IGF2: variants seen among roughly 807,000 people sequenced by gnomAD.
IGF2 encodes insulin like growth factor 2, also known as insulin-like growth factor 2.
In IGF2, 2 loss-of-function variants were observed where a neutral mutation model predicts 12.0. The ratio of observed to expected loss-of-function variants is 0.17; its 90% confidence interval spans 0.07 to 0.52. IGF2 has a LOEUF of 0.52. IGF2 is among the 20% of genes least tolerant of loss of function. The pLI is 0.95. For synonymous variants in IGF2, 105 were observed against 110.1 expected (o/e 0.95, Z 0.29); for missense variants, 211 against 268.0 (o/e 0.79, Z 1.48).
upstream of IGF2, among the ~76,000 whole-genome samples, chr11:2,143,981 G>A (rs1859755677): frequency 6.6e-6 from 1 of 152,224 alleles, no homozygotes; most frequent in Non-Finnish European, 1.5e-5. Flanking sequence ...CCCTCCCCGG[G>A]AACCCGAGCG....
chr11:2,132,916 A>G lies in IGF2; in HGVS notation c.*71T>C, dbSNP rs1858710247. Reference sequence around the variant, plus strand: ...CGAGAGATTTTCGGGATGGAACCTGATGGAAACGTCCGTGGTCAGGAGGAG... The same window carrying G: ...CGAGAGATTTTCGGGATGGAACCTGGTGGAAACGTCCGTGGTCAGGAGGAG... On this transcript the variant is annotated 3_prime_UTR_variant, in exon 4 of 4. Transcript: ENST00000416167. 2.7e-6 allele frequency: 3 copies of G among 1,091,962 alleles called. No individual in the cohort carries two copies. The highest frequency in any genetic ancestry group is 3.9e-6 in the Non-Finnish European group (3 of 764,758). The allele number at this position is 1,091,962 out of a possible 1,614,324, so 67.6% of individuals were successfully genotyped here. A position where few individuals can be genotyped will look rare whatever the true frequency, so the allele number is the denominator to read the frequency against.
In IGF2 at chr11:2,133,723, G is replaced by A. The variant is rs759732097; in HGVS notation, c.158-58C>T. 70 of 1,592,334 alleles carry A rather than the reference G, an allele frequency of 4.4e-5. No homozygotes were observed. Among genetic ancestry groups the A allele is most frequent in the African/African-American group, 1.5e-4 (11 of 74,246 alleles). ...TAGCACCGCACTGACCCCAGCCCCC[G>A]GAGGCTGAAGGGGGAGCAAACCACC... On this transcript the variant is annotated intron_variant, in intron 2 of 3. Transcript: ENST00000416167. This position sits in a 1 kb window ranked among gnomAD's most constrained non-coding sequence, Gnocchi z 8.9.
chr11:2,139,603 TG>T (rs1485002841), upstream of IGF2, among the ~76,000 whole-genome samples: 1 of 71,584 alleles, frequency 1.4e-5, no homozygotes, highest in South Asian at 5.2e-4. Context: ...TCGCAGGGGC[TG>T]GGGGGTGCGC....
intron 1 of IGF2, chr11:2,137,216 C>CAGGAGG: frequency 1.0e-6 from 1 of 993,144 alleles, no homozygotes; most frequent in Non-Finnish European, 1.2e-6. Context: ...CTCGCTGGGG[C>CAGGAGG]AGGAGGAGGA....
rs1220905661 is a variant in IGF2, at chr11:2,137,549, C to T, written c.-7+680G>A. On this transcript the variant is annotated intron_variant, in intron 1 of 3. Transcript: ENST00000416167. ...AGTGAAGGGGGGGGGGGTCTCCTTC[C>T]CACCTCCTTGTATGGAAACTTCCAC... Among the ~76,000 whole-genome samples the T allele has an allele frequency of 2.6e-5, 4 of 151,946 alleles. No homozygotes were observed. The East Asian group carries it at 7.8e-4, about 30-fold the overall frequency.
At chr11:2,140,654 G>A (rs1859513045), upstream of IGF2, 1 of 490,276 alleles carries the variant, frequency 2.0e-6, no homozygotes. Context: ...ATGAGCAAAC[G>A]AAAGTGGCGC....
chr11:2,137,137 C>G (rs1019075023), intron 1 of IGF2: 1 of 778,426 alleles, frequency 1.3e-6, no homozygotes, highest in Non-Finnish European at 1.6e-6. Context: ...TGCCCTGCCT[C>G]AGGCTGGAGT....
rs920767501 is a variant in IGF2 at position 2,131,736 on chromosome 11, G to A, written c.*1251C>T. On this transcript the variant is annotated 3_prime_UTR_variant, in exon 4 of 4. Coordinates refer to ENST00000416167, the MANE Select transcript of IGF2 (RefSeq NM_000612.6). ...CTGTGTTCGTGTGTGCTGTGTTCGC[G>A]TGTGTGTGCTGTGTGTGCATGTGTG... 3.5e-5 allele frequency: 7 copies of A among 201,774 alleles called. No homozygotes were observed. The highest frequency in any genetic ancestry group is 2.1e-4 in the South Asian group (1 of 4,750). The allele number at this position is 201,774 out of a possible 1,614,324, so 12.5% of individuals were successfully genotyped here.
chr11:2,137,404 C>T, intron 1 of IGF2: 2 of 203,050 alleles, frequency 9.8e-6, no homozygotes, highest in Non-Finnish European at 1.7e-5. Context: ...TGCTCCCGCC[C>T]TCTCCCTCCT....
At chr11:2,143,569 G>C (rs4366464), upstream of IGF2, among the ~76,000 whole-genome samples, 134,903 of 151,972 alleles carry the variant, frequency 0.89, 60,364 homozygotes, top group East Asian at 1. Context: ...AATTAGGGAA[G>C]CCGGGTTAGT....
At chr11:2,141,796 C>A (rs1013329920), upstream of IGF2, among the ~76,000 whole-genome samples, 1 of 151,512 alleles carries the variant, frequency 6.6e-6, no homozygotes, top group Non-Finnish European at 1.5e-5. Flanking sequence ...TTTGGGGGAG[C>A]CTGGAGTGTG....
chr11:2,133,223 C>T lies in IGF2; in HGVS notation c.307G>A (p.Asp103Asn). 6.5e-7 allele frequency: 1 copy of T among 1,536,170 alleles called. No homozygotes were observed. The highest frequency in any genetic ancestry group is 8.8e-7 in the Non-Finnish European group (1 of 1,138,292). Residue 103 changes from aspartate (D) to asparagine (N), a missense_variant and splice_region_variant, in exon 4 of 4, where the codon GAC becomes AAC. Transcript: ENST00000416167. This position sits in a 1 kb window ranked among gnomAD's most constrained non-coding sequence, Gnocchi z 8.9. Reference sequence around the variant, plus strand: ...CCCACGGGGTATCTGGGGAAGTTGTCCTGGGAGGGGAAGGGGCTGGTCAGC... The same window carrying T: ...CCCACGGGGTATCTGGGGAAGTTGTTCTGGGAGGGGAAGGGGCTGGTCAGC... ...DVSTPPTVLPDNFPRYPVGKF... is the reference protein window; with the variant it reads ...DVSTPPTVLPNNFPRYPVGKF...
At position 2,138,704 on chromosome 11, in the gene IGF2, G is replaced by A. The variant is rs1033250396; in HGVS notation, c.-482C>T. Reference sequence around the variant, plus strand: ...GGCGAAGGCGAGAGGGCGGGCGTGAGGGGGGGAGGGAGTCGGAGGCTAGGA... The same window carrying A: ...GGCGAAGGCGAGAGGGCGGGCGTGAAGGGGGGAGGGAGTCGGAGGCTAGGA... On this transcript the variant is annotated 5_prime_UTR_variant, in exon 1 of 4. Coordinates refer to ENST00000416167, the MANE Select transcript of IGF2 (RefSeq NM_000612.6). 4.0e-6 allele frequency: 3 copies of A among 749,678 alleles called. No individual in the cohort carries two copies. Among genetic ancestry groups the A allele is most frequent in the South Asian group, 6.1e-5 (1 of 16,362 alleles). The allele number at this position is 749,678 out of a possible 1,614,324, so 46.4% of individuals were successfully genotyped here. A position where few individuals can be genotyped will look rare whatever the true frequency, so the allele number is the denominator to read the frequency against.
Position 2,139,066 on chromosome 11 carries a change from G to C in IGF2, c.-844C>G. 3.6e-6 allele frequency: 1 copy of C among 279,764 alleles called. No homozygotes were observed. The highest frequency in any genetic ancestry group is 5.4e-6 in the Non-Finnish European group (1 of 185,550). 17.3% of individuals were successfully genotyped at this position (279,764 alleles called of 1,614,324 possible). A position where few individuals can be genotyped will look rare whatever the true frequency, so the allele number is the denominator to read the frequency against. Reference sequence around the variant, plus strand: ...GGGGAGGGCTGGAGGGGGAGCGCGGGGGGGGGTGACAACGCCGGCGGCCTG... The same window carrying C: ...GGGGAGGGCTGGAGGGGGAGCGCGGCGGGGGGTGACAACGCCGGCGGCCTG... On this transcript the variant is annotated 5_prime_UTR_variant, in exon 1 of 4. Transcript: ENST00000416167.
chr11:2,143,854 G>C (rs1859745997), upstream of IGF2, among the ~76,000 whole-genome samples: 1 of 152,242 alleles, frequency 6.6e-6, no homozygotes, highest in South Asian at 2.1e-4. Flanking sequence ...AAGTTGTTCC[G>C]TGGATTGGAA....
At chr11:2,148,827 C>T in the IGF2 span, 2 of 443,328 alleles carry the variant, frequency 4.5e-6, no homozygotes, top group South Asian at 2.7e-5. The surrounding 1 kb of genome is among the most constrained non-coding windows in gnomAD (Gnocchi z 4.3). Context: ...CCCTCCTCCC[C>T]TACCCCTCCC....
chr11:2,144,265 C>T (rs1252667249), upstream of IGF2, among the ~76,000 whole-genome samples: 1 of 152,122 alleles, frequency 6.6e-6, no homozygotes, highest in African/African-American at 2.4e-5. Flanking sequence ...GTGGGAGGTC[C>T]GCAGGCTCCC....
upstream of IGF2, among the ~76,000 whole-genome samples, chr11:2,144,924 G>A (rs944871718): frequency 6.6e-6 from 1 of 152,184 alleles, no homozygotes; most frequent in Non-Finnish European, 1.5e-5. Flanking sequence ...ACACTGGGGA[G>A]GCAGAAGTTA....
rs375974447 is a variant in IGF2 at position 2,133,704 on chromosome 11, C to A, written c.158-39G>T. The A allele has an allele frequency of 3.3e-5, 53 of 1,607,676 alleles. 1 individual carries two copies. The highest frequency in any genetic ancestry group is 4.5e-5 in the Non-Finnish European group (53 of 1,177,898). On this transcript the variant is annotated intron_variant, in intron 2 of 3. Coordinates refer to ENST00000416167, the MANE Select transcript of IGF2 (RefSeq NM_000612.6). The surrounding 1 kb of genome is among the most constrained non-coding windows in gnomAD (Gnocchi z 8.9). ...AGCACAGAGAGAGCCGTGTTAGCAC[C>A]GCACTGACCCCAGCCCCCGGAGGCT...
Sources: allele counts gnomAD v4.1 joint callset (sites outside exome capture counted in the v4.1 genomes callset), GRCh38; gene constraint gnomAD v4.1.1; non-coding constraint Gnocchi (gnomAD v3.1); transcripts MANE v1.5; gene names NCBI Gene and HGNC (gene_info 2026-07-23, HGNC 2026-07-21).